Variants in ZNF423 observed in about 807,000 individuals in gnomAD.
ZNF423 encodes Ebf-associated zinc finger protein.
A neutral mutation model predicts 95.8 loss-of-function variants in ZNF423; 12 were observed. The observed-to-expected ratio is 0.13, with a 90% confidence interval of 0.08 to 0.20. The LOEUF is 0.20. Among genes scored for constraint, ZNF423 ranks in the 10% least tolerant of loss-of-function variants. The pLI, the probability that ZNF423 is intolerant of heterozygous loss-of-function variation, is 1.00. For missense variants in ZNF423, 1,316 were observed against 1,737.1 expected (o/e 0.76, Z 4.31); for synonymous variants, 749 against 711.9 (o/e 1.05, Z -0.83).
intron 5 of ZNF423, among the ~76,000 whole-genome samples, chr16:49,588,834 G>C (rs1414027817): frequency 6.6e-6 from 1 of 152,270 alleles, no homozygotes; most frequent in East Asian, 1.9e-4. Flanking sequence ...ACCAGTGGCA[G>C]ACATGGCCAA....
intron 2 of ZNF423, 107 bp downstream of exon 2, chr16:49,789,380 T>C (rs1213526463): frequency 2.8e-6 from 3 of 1,083,764 alleles, no homozygotes; most frequent in African/African-American, 1.6e-5. Flanking sequence ...GAGGCAGGAA[T>C]GTGACACGAA....
In ZNF423 at chr16:49,492,945, G is replaced by T. The variant is rs1159646650; in HGVS notation, c.3850-1641C>A. Among the ~76,000 whole-genome samples, 2 of 152,092 alleles carry T rather than the reference G, an allele frequency of 1.3e-5. No individual in the cohort carries two copies. The highest frequency in any genetic ancestry group is 2.4e-5 in the African/African-American group (1 of 41,420). On this transcript the variant is annotated intron_variant, in intron 7 of 7. Coordinates refer to ENST00000563137, the MANE Select transcript of ZNF423 (RefSeq NM_001379286.1). The surrounding 1 kb of genome is among the most constrained non-coding windows in gnomAD (Gnocchi z 4.2). ...AGGCTTCCCAGGGCCTGCACCCCAT[G>T]GGCACCGCAGTCTGCAAATCACCCG...
At chr16:49,641,473 G>A (rs945238691) in intron 3 of ZNF423, among the ~76,000 whole-genome samples, 5 of 152,180 alleles carry the variant, frequency 3.3e-5, no homozygotes, top group Admixed American at 3.3e-4. Context: ...GGAACTGGCT[G>A]GAACCCACCC....
chr16:49,671,707 G>A (rs147444199), intron 3 of ZNF423, among the ~76,000 whole-genome samples: 26 of 151,762 alleles, frequency 1.7e-4, no homozygotes, highest in African/African-American at 5.1e-4. Flanking sequence ...TTTTTGAGGC[G>A]GAGTCTCACT....
At chr16:49,720,094 A>G (rs549518552) in intron 3 of ZNF423, among the ~76,000 whole-genome samples, 82 of 152,272 alleles carry the variant, frequency 5.4e-4, no homozygotes, top group Non-Finnish European at 1.1e-3. Flanking sequence ...CACCTCCCAG[A>G]GCACTGCCCC....
chr16:49,782,249 A>C (rs568841330), intron 2 of ZNF423, among the ~76,000 whole-genome samples: 2 of 152,362 alleles, frequency 1.3e-5, no homozygotes, highest in East Asian at 3.9e-4. Context: ...TGCCATCTAC[A>C]GTTGAGGCAC....
intron 5 of ZNF423, among the ~76,000 whole-genome samples, chr16:49,551,974 A>C (rs1321049308): frequency 6.6e-6 from 1 of 152,176 alleles, no homozygotes; most frequent in Non-Finnish European, 1.5e-5. Flanking sequence ...GTGTGCATGC[A>C]CTCATGCGCT....
intron 5 of ZNF423, among the ~76,000 whole-genome samples, chr16:49,559,844 A>G (rs1401119598): frequency 6.6e-6 from 1 of 152,210 alleles, no homozygotes; most frequent in Non-Finnish European, 1.5e-5. Context: ...GCACGATCCC[A>G]GTCAAGAAAG....
At chr16:49,674,584 GA>G (rs1280785978) in intron 3 of ZNF423, among the ~76,000 whole-genome samples, 1 of 152,232 alleles carries the variant, frequency 6.6e-6, no homozygotes, top group East Asian at 1.9e-4. Context: ...GCGGAACAGA[GA>G]TGTGAACAAA....
intron 1 of ZNF423, among the ~76,000 whole-genome samples, chr16:49,819,804 C>A (rs1250417365): frequency 1.3e-5 from 2 of 152,132 alleles, no homozygotes; most frequent in African/African-American, 4.8e-5. Flanking sequence ...TTCAACCTCA[C>A]AATGGTATGA....
chr16:49,716,048 G>A (rs2032697111), intron 3 of ZNF423, among the ~76,000 whole-genome samples: 1 of 152,024 alleles, frequency 6.6e-6, no homozygotes. Context: ...GGGCCAGGCA[G>A]GGGAGTGGAT....
chr16:49,503,979 C>T (rs1967532695), intron 7 of ZNF423, among the ~76,000 whole-genome samples: 1 of 152,200 alleles, frequency 6.6e-6, no homozygotes, highest in Non-Finnish European at 1.5e-5. Context: ...GGGATGGATC[C>T]TTTGAGGACA....
intron 2 of ZNF423, among the ~76,000 whole-genome samples, chr16:49,751,119 T>G (rs12599879): frequency 0.18 from 27,404 of 152,204 alleles, 2,707 homozygotes; most frequent in East Asian, 0.29. Context: ...AAGGCACACA[T>G]GGGAACTCCA....
intron 1 of ZNF423, among the ~76,000 whole-genome samples, chr16:49,835,607 A>G (rs2035109634): frequency 6.6e-6 from 1 of 152,142 alleles, no homozygotes. Flanking sequence ...GCCTGACCCA[A>G]TCATCAGCTT....
At chr16:49,678,526 T>A (rs182544334) in intron 3 of ZNF423, among the ~76,000 whole-genome samples, 1 of 152,170 alleles carries the variant, frequency 6.6e-6, no homozygotes, top group Admixed American at 6.5e-5. Flanking sequence ...CTGGGCAAGA[T>A]GTCAGGGAAC....
intron 5 of ZNF423, among the ~76,000 whole-genome samples, chr16:49,625,604 T>A (rs1972232431): frequency 6.6e-6 from 1 of 152,098 alleles, no homozygotes; most frequent in Non-Finnish European, 1.5e-5. Context: ...GGAGACCACA[T>A]CCACCCATCC....
At chr16:49,613,400 T>G (rs777612507) in intron 5 of ZNF423, among the ~76,000 whole-genome samples, 10 of 152,146 alleles carry the variant, frequency 6.6e-5, no homozygotes, top group Non-Finnish European at 1.2e-4. Flanking sequence ...GCAAAAACAA[T>G]TCAATGGAGA....
At chr16:49,854,851 C>T in intron 1 of ZNF423, 1 of 985,392 alleles carries the variant, frequency 1.0e-6, no homozygotes, top group South Asian at 4.7e-5. Context: ...TATATATCTG[C>T]AGCTCCCCAC....
At chr16:49,735,031 TC>T (rs1453194927) in intron 2 of ZNF423, among the ~76,000 whole-genome samples, 1 of 152,122 alleles carries the variant, frequency 6.6e-6, no homozygotes, top group Non-Finnish European at 1.5e-5. Context: ...CATGGTTTCC[TC>T]ACAGTAAGAC....
Sources: gnomAD v4.1 joint callset for allele counts (sites outside exome capture counted in the v4.1 genomes callset) on GRCh38, gnomAD v4.1.1 for gene constraint, Gnocchi (gnomAD v3.1) non-coding constraint, MANE v1.5 for transcripts, NCBI Gene and HGNC (gene_info 2026-07-23, HGNC 2026-07-21) for gene names.